The following PACS2 variants were observed in gnomAD, a reference collection of about 807,000 sequenced individuals.
PACS2 encodes phosphofurin acidic cluster sorting protein 2, also known as PACS1-like protein.
In PACS2, 36 loss-of-function variants were observed where a neutral mutation model predicts 113.0. The observed-to-expected ratio is 0.32, with a 90% confidence interval of 0.24 to 0.42. The LOEUF (loss-of-function observed/expected upper bound fraction) is 0.42. PACS2 is among the 10% of genes least tolerant of loss of function. The probability of loss-of-function intolerance (pLI) is 1.00; values close to 1 mark genes in which losing one functional copy is unlikely to be tolerated. For synonymous variants in PACS2, 589 were observed against 536.1 expected (o/e 1.10, Z -1.36); for missense variants, 1,015 against 1,239.5 (o/e 0.82, Z 2.72).
intron 1 of PACS2, among the ~76,000 whole-genome samples, chr14:105,301,773 G>C (rs997723712): frequency 6.6e-6 from 1 of 152,142 alleles, no homozygotes. Flanking sequence ...GGCTGCGCAC[G>C]CCCTCAAATA....
rs199748488 is a variant in PACS2 at position 105,381,028 on chromosome 14, T to C, written c.1197T>C (p.Asp399=). 6.2e-7 allele frequency: 1 copy of C among 1,612,462 alleles called. No homozygotes were observed. The highest frequency in any genetic ancestry group is 8.5e-7 in the Non-Finnish European group (1 of 1,179,748). ...CCGAGGCTGAGGCCTCCACCCTGGA[T>C]GTGTTCACGGAGAGGCTGCCGCCCA... ...DSPEAEASTL[D]VFTERLPPSG... Residue 399 remains aspartate (D), a synonymous_variant, in exon 12 of 25, where the codon GAT becomes GAC. Coordinates refer to ENST00000447393, the MANE Select transcript of PACS2 (RefSeq NM_001100913.3).
At chr14:105,372,937 A>G (rs2061210047) in intron 8 of PACS2, 1 of 152,282 alleles carries the variant, frequency 6.6e-6, no homozygotes, top group Middle Eastern at 3.4e-3. Context: ...TTGACAGAAA[A>G]TATTTGCAAA....
intron 12 of PACS2, 115 bp from the exon 13 acceptor site, chr14:105,381,799 C>T (rs782317997): frequency 4.7e-5 from 46 of 969,466 alleles, no homozygotes; most frequent in Non-Finnish European, 6.6e-5. Context: ...CAGCCCTGTG[C>T]TCACCCTTCC....
intron 1 of PACS2, among the ~76,000 whole-genome samples, chr14:105,302,767 A>C (rs922056832): frequency 1.3e-5 from 2 of 150,062 alleles, no homozygotes; most frequent in Non-Finnish European, 1.5e-5. Context: ...TTTTGTAGAG[A>C]TGGGTTTTTG....
chr14:105,342,561 A>G lies in PACS2; in HGVS notation c.120-5932A>G, dbSNP rs1050354809. 5.9e-5 allele frequency among the ~76,000 whole-genome samples: 9 copies of G among 152,058 alleles called. No homozygotes were observed. The East Asian group carries it at 1.6e-3, about 26-fold the overall frequency. On this transcript the variant is annotated intron_variant, in intron 1 of 24. Coordinates refer to ENST00000447393, the MANE Select transcript of PACS2 (RefSeq NM_001100913.3). ...TGGGATTACAGGCATGATTGTGCCC[A>G]GCCACAGTAGAGCTTCTTGTTTGCA...
In PACS2 at chr14:105,309,243, CTT is replaced by C. The variant is rs2058278901; in HGVS notation, c.-83+8265_-83+8266del. On this transcript the variant is annotated intron_variant, in intron 1 of 23. Coordinates refer to the PACS2 transcript ENST00000430725. This position sits in a 1 kb window ranked among gnomAD's most constrained non-coding sequence, Gnocchi z 4.0. Reference sequence around the variant, plus strand: ...TTAAAATTTATGCATCAAGGTCCCTCTTAATCTTGGGGCTCAGGATAACCACA... The same window carrying C: ...TTAAAATTTATGCATCAAGGTCCCTCAATCTTGGGGCTCAGGATAACCACA... Among the ~76,000 whole-genome samples, 1 of 152,306 alleles carries C rather than the reference CTT, an allele frequency of 6.6e-6. No homozygotes were observed. The highest frequency in any genetic ancestry group is 1.5e-5 in the Non-Finnish European group (1 of 68,022).
At chr14:105,370,169 G>T (rs921930624) in intron 8 of PACS2, 1 of 377,266 alleles carries the variant, frequency 2.7e-6, no homozygotes, top group Non-Finnish European at 4.8e-6. Flanking sequence ...CCATTAGTTT[G>T]TGTGTTTTTT....
upstream of PACS2, among the ~76,000 whole-genome samples, chr14:105,313,512 C>G (rs1017920793): frequency 1.3e-5 from 2 of 152,252 alleles, no homozygotes; most frequent in Admixed American, 6.5e-5. Flanking sequence ...TGACTTTAAG[C>G]AGTCGCAGCT....
chr14:105,317,688 T>A lies in PACS2; in HGVS notation c.119+2651T>A, dbSNP rs2058730931. Among the ~76,000 whole-genome samples the A allele has an allele frequency of 6.6e-6, 1 of 152,188 alleles. No homozygotes were observed. Among genetic ancestry groups the A allele is most frequent in the Admixed American group, 6.5e-5 (1 of 15,274 alleles). On this transcript the variant is annotated intron_variant, in intron 1 of 24. Transcript: ENST00000447393. The surrounding 1 kb of genome is among the most constrained non-coding windows in gnomAD (Gnocchi z 4.2). ...GATAGTCATCCTTTCTCGGCTGTGT[T>A]GAGGATGTCCCCGTCCAGTTATGAG...
At chr14:105,379,975 C>A in intron 10 of PACS2, 105 bp from the exon 11 acceptor site, 2 of 1,314,252 alleles carry the variant, frequency 1.5e-6, no homozygotes, top group South Asian at 1.2e-5. Context: ...CACACTGCCA[C>A]GCAGGTACCC....
chr14:105,393,264 C>A lies in PACS2; in HGVS notation c.2525C>A (p.Ser842Tyr). The A allele has an allele frequency of 6.2e-7, 1 of 1,612,896 alleles. No homozygotes were observed. The highest frequency in any genetic ancestry group is 8.5e-7 in the Non-Finnish European group (1 of 1,179,948). Residue 842 changes from serine to tyrosine, a missense_variant, in exon 24 of 25, where the codon TCT becomes TAT. Ser to Tyr is a moderately radical substitution (Grantham distance 144). Transcript: ENST00000447393. ...AAAGCGAAGGACAAGGACGTGGAGT[C>A]TAAGAGCCAGTGCATTGAGGGCATC... ...PKKAKDKDVE[S>Y]KSQCIEGISR...
At chr14:105,342,230 C>CTGTGTG (rs373390359) in intron 1 of PACS2, among the ~76,000 whole-genome samples, 3,059 of 140,308 alleles carry the variant, frequency 0.022, 39 homozygotes, top group African/African-American at 0.037. Context: ...AAGCTGCTGC[C>CTGTGTG]TGTGTGTGTG....
intron 8 of PACS2, chr14:105,372,483 GAA>G (rs1555409587): frequency 1.3e-5 from 2 of 152,114 alleles, no homozygotes. Context: ...TAAAAAATAT[GAA>G]CTTAAATCCT....
chr14:105,307,795 TAGAC>T (rs1475071274), intron 1 of PACS2, among the ~76,000 whole-genome samples: 2 of 152,222 alleles, frequency 1.3e-5, no homozygotes, highest in Non-Finnish European at 1.5e-5. Context: ...ATGTGTCTGG[TAGAC>T]AGACTGCTCA....
chr14:105,307,980 C>G (rs895063222), intron 1 of PACS2, among the ~76,000 whole-genome samples: 1 of 148,164 alleles, frequency 6.7e-6, no homozygotes, highest in Non-Finnish European at 1.5e-5. Context: ...CCCAGGAGTT[C>G]GAGACCAGCC....
At position 105,391,691 on chromosome 14, in the gene PACS2, C is replaced by G. The variant is rs1206720330; in HGVS notation, c.2180C>G (p.Ala727Gly). ...ACGCTCTCCTCCACCCCGCCGTCCGCATCTCCTGCGGCCAAGGAGGCCTCA... is the reference window on the plus strand; with the variant it reads ...ACGCTCTCCTCCACCCCGCCGTCCGGATCTCCTGCGGCCAAGGAGGCCTCA... ...SGTLSSTPPS[A>G]SPAAKEASPT... The change falls in exon 22 of 25, where the codon GCA becomes GGA. Residue 727 changes from alanine (A) to glycine (G), a missense_variant. Around this residue, in one of 3 missense-constraint regions of PACS2, gnomAD observed 859 missense variants for 1,056.8 expected, o/e 0.81. Transcript: ENST00000447393. 6.2e-7 allele frequency: 1 copy of G among 1,607,736 alleles called. No individual in the cohort carries two copies. Among genetic ancestry groups the G allele is most frequent in the East Asian group, 2.2e-5 (1 of 44,732 alleles).
In PACS2 at chr14:105,330,682, A is replaced by G. The variant is rs1290452828; in HGVS notation, c.119+15645A>G. ...TCTGGCATCAGAATCCTGGGGCCCC[A>G]CCCAACACCCACGCATTTCCTGTCT... On this transcript the variant is annotated intron_variant, in intron 1 of 24. Coordinates refer to ENST00000447393, the MANE Select transcript of PACS2 (RefSeq NM_001100913.3). This position sits in a 1 kb window ranked among gnomAD's most constrained non-coding sequence, Gnocchi z 6.9. Among the ~76,000 whole-genome samples the G allele has an allele frequency of 1.3e-5, 2 of 152,174 alleles. No homozygotes were observed. The highest frequency in any genetic ancestry group is 2.9e-5 in the Non-Finnish European group (2 of 68,028).
At chr14:105,350,671 C>T (rs2060136239) in intron 2 of PACS2, among the ~76,000 whole-genome samples, 1 of 152,258 alleles carries the variant, frequency 6.6e-6, no homozygotes, top group African/African-American at 2.4e-5. Flanking sequence ...ACCTGCCCCT[C>T]AGCCTTCTCT....
At chr14:105,319,396 A>G (rs2058800881) in intron 1 of PACS2, among the ~76,000 whole-genome samples, 1 of 152,204 alleles carries the variant, frequency 6.6e-6, no homozygotes, top group Non-Finnish European at 1.5e-5. Context: ...TCTTGAATGT[A>G]TTTTGAGAGT....
Sources: gnomAD v4.1 joint callset for allele counts (sites outside exome capture counted in the v4.1 genomes callset) on GRCh38, gnomAD v4.1.1 for gene constraint, gnomAD v4.1.1 regional missense constraint, Gnocchi (gnomAD v3.1) non-coding constraint, MANE v1.5 for transcripts, NCBI Gene and HGNC (gene_info 2026-07-23, HGNC 2026-07-21) for gene names.